The following COL5A2 variants were observed in gnomAD, a reference collection of about 807,000 sequenced individuals.
COL5A2 encodes collagen type V alpha 2 chain, also known as collagen alpha-2(V) chain.
A neutral mutation model predicts 208.2 loss-of-function variants in COL5A2; 23 were observed. That is an observed-to-expected ratio of 0.11 (90% CI 0.08 to 0.16). COL5A2 has a LOEUF of 0.16. Among genes scored for constraint, COL5A2 ranks in the 10% least tolerant of loss-of-function variants. The probability of loss-of-function intolerance (pLI) is 1.00; values close to 1 mark genes in which losing one functional copy is unlikely to be tolerated. For synonymous variants in COL5A2, 625 were observed against 628.5 expected, an observed-to-expected ratio of 0.99 and a Z score of 0.08; for missense variants, 1,590 against 1,956.4, an observed-to-expected ratio of 0.81 and a Z score of 3.53.
the COL5A2 span, among the ~76,000 whole-genome samples, chr2:189,270,933 G>C: frequency 6.6e-6 from 1 of 151,960 alleles, no homozygotes; most frequent in African/African-American, 2.4e-5. Flanking sequence ...AAAATACCTA[G>C]GAATACAACT....
chr2:189,035,201 C>T, intron 52 of COL5A2, 46 bp from the exon 53 acceptor site: 9 of 1,612,486 alleles, frequency 5.6e-6, no homozygotes, highest in Admixed American at 1.7e-5. Flanking sequence ...TGAAGGGTTT[C>T]ATAATGCCTT....
the COL5A2 span, among the ~76,000 whole-genome samples, chr2:189,306,240 G>A: frequency 4.6e-5 from 7 of 152,244 alleles, no homozygotes; most frequent in East Asian, 1.9e-4. Context: ...CCATACCATC[G>A]TCCTTAATCA....
the COL5A2 span, among the ~76,000 whole-genome samples, chr2:189,233,435 T>C: frequency 1.3e-5 from 2 of 151,578 alleles, no homozygotes; most frequent in Non-Finnish European, 2.9e-5. Context: ...ATGCTGTAAA[T>C]AGTCAACTAG....
chr2:189,403,658 G>A, the COL5A2 span, among the ~76,000 whole-genome samples: 10 of 152,256 alleles, frequency 6.6e-5, no homozygotes, highest in African/African-American at 2.4e-4. Context: ...AGGCCTTTCT[G>A]CATCTATTGA....
chr2:189,114,835 C>T (rs1280499322), intron 1 of COL5A2, among the ~76,000 whole-genome samples: 5 of 151,734 alleles, frequency 3.3e-5, no homozygotes, highest in Non-Finnish European at 7.4e-5. Context: ...CCTGCACATC[C>T]TCCACATAAA....
chr2:189,061,697 G>T, intron 29 of COL5A2, 82 bp from the exon 30 acceptor site: 1 of 1,013,574 alleles, frequency 9.9e-7, no homozygotes, highest in South Asian at 1.3e-5. Context: ...TAGAAGTACT[G>T]ATATTTATTT....
At position 189,187,426 on chromosome 2, in the gene COL5A2, C is replaced by T. The variant is rs570579463; in HGVS notation, c.-42+37722G>A. ...CCAGACAGAGTTTAAATGCTGGCCC[C>T]ACCACTTACTACCTGGGTCATGATG... is the stretch of plus-strand genomic sequence containing the variant. On this transcript the variant is annotated intron_variant, in intron 1 of 10. Transcript: ENST00000649966. Among the ~76,000 whole-genome samples the T allele has an allele frequency of 5.3e-5, 8 of 152,294 alleles. No individual in the cohort carries two copies. In the South Asian group the frequency reaches 1.7e-3, roughly 32 times the overall value.
chr2:189,342,084 TTTA>T, the COL5A2 span, among the ~76,000 whole-genome samples: 21 of 151,788 alleles, frequency 1.4e-4, no homozygotes, highest in African/African-American at 4.6e-4. Flanking sequence ...CTGTTTAGAA[TTTA>T]TAAAAATAAG....
chr2:189,382,047 T>C, the COL5A2 span, among the ~76,000 whole-genome samples: 14 of 152,340 alleles, frequency 9.2e-5, no homozygotes, highest in Admixed American at 9.2e-4. Flanking sequence ...CCTGCTGTTG[T>C]TGAATATTTT....
At chr2:189,036,487 T>C (rs1239217444) in intron 52 of COL5A2, 129 bp downstream of exon 52, 2 of 721,862 alleles carry the variant, frequency 2.8e-6, no homozygotes, top group Admixed American at 2.5e-5. Context: ...AATGAGACTA[T>C]ATCACTTCAA....
At chr2:189,203,177 C>T (rs1284665663) in intron 1 of COL5A2, among the ~76,000 whole-genome samples, 2 of 152,112 alleles carry the variant, frequency 1.3e-5, no homozygotes, top group Admixed American at 6.5e-5. Flanking sequence ...AATATAATCG[C>T]CCTGCCTTAT....
At chr2:189,361,493 G>A in the COL5A2 span, among the ~76,000 whole-genome samples, 2 of 150,732 alleles carry the variant, frequency 1.3e-5, no homozygotes, top group Non-Finnish European at 3.0e-5. Flanking sequence ...TTCCACCTGT[G>A]TGTGTCTTCA....
At chr2:189,422,031 G>A in the COL5A2 span, among the ~76,000 whole-genome samples, 1 of 152,006 alleles carries the variant, frequency 6.6e-6, no homozygotes, top group Non-Finnish European at 1.5e-5. Flanking sequence ...GCTTACTATT[G>A]GAAGGCATTC....
At chr2:189,326,909 A>G in the COL5A2 span, among the ~76,000 whole-genome samples, 1,516 of 151,910 alleles carry the variant, frequency 1.0e-2, 19 homozygotes, top group Non-Finnish European at 0.016. Context: ...CATCTCTACT[A>G]AAAATACAAA....
rs369830988 is a variant in COL5A2, at chr2:189,068,203, C to T, written c.1302+23G>A. 21 of 1,612,848 alleles carry T rather than the reference C, an allele frequency of 1.3e-5. No individual in the cohort carries two copies. The African/African-American group carries it at 2.5e-4, about 19-fold the overall frequency. On this transcript the variant is annotated intron_variant, in intron 20 of 53. Transcript: ENST00000374866. ...AAGAATCATGCCCATTTGAGCTTCA[C>T]ATGCCATAAATGCAGTACTCACCGT...
At chr2:189,216,216 T>A (rs549924639) in intron 1 of COL5A2, among the ~76,000 whole-genome samples, 2 of 152,302 alleles carry the variant, frequency 1.3e-5, no homozygotes, top group Admixed American at 1.3e-4. Flanking sequence ...TTTCTTCTCA[T>A]GATTGGTACT....
intron 52 of COL5A2, among the ~76,000 whole-genome samples, chr2:189,036,020 A>G (rs907325529): frequency 1.3e-5 from 2 of 152,140 alleles, no homozygotes; most frequent in East Asian, 3.8e-4. Flanking sequence ...AATAATATTA[A>G]AAATTTTACA....
chr2:189,115,589 A>C (rs1212418354), intron 1 of COL5A2, among the ~76,000 whole-genome samples: 1 of 152,194 alleles, frequency 6.6e-6, no homozygotes, highest in Non-Finnish European at 1.5e-5. Context: ...TTTCAAGCAG[A>C]AATAATACAC....
chr2:189,056,652 C>T, intron 35 of COL5A2: 1 of 394,754 alleles, frequency 2.5e-6, no homozygotes, highest in Non-Finnish European at 4.7e-6. Context: ...TTGGCCAGCT[C>T]ACTAGATTAG....
Sources: allele counts gnomAD v4.1 joint callset (sites outside exome capture counted in the v4.1 genomes callset), GRCh38; gene constraint gnomAD v4.1.1; transcripts MANE v1.5; gene names NCBI Gene and HGNC (gene_info 2026-07-23, HGNC 2026-07-21).